Variants in CLTCL1 observed in about 807,000 individuals in gnomAD.
The protein encoded by CLTCL1 is clathrin heavy chain 2.
A neutral mutation model predicts 190.0 loss-of-function variants in CLTCL1; 159 were observed. The ratio of observed to expected loss-of-function variants is 0.84; its 90% CI spans 0.74 to 0.95. The LOEUF (loss-of-function observed/expected upper bound fraction) is 0.95. Ranked by LOEUF, CLTCL1 falls within the 40% of genes least tolerant of loss-of-function variation. The probability of loss-of-function intolerance (pLI) is 0.00; values close to 1 mark genes in which losing one functional copy is unlikely to be tolerated. For synonymous variants in CLTCL1, 752 were observed against 769.6 expected (o/e 0.98, Z 0.38); for missense variants, 1,878 against 2,033.4 (o/e 0.92, Z 1.47).
At chr22:19,180,708 T>G in intron 31 of CLTCL1, 23 bp downstream of exon 31, 1 of 1,612,458 alleles carries the variant, frequency 6.2e-7, no homozygotes, top group Non-Finnish European at 8.5e-7. Context: ...CCCAGGGGGT[T>G]GGGGGCTACA....
Position 19,215,548 on chromosome 22 carries a change from C to T in CLTCL1, c.3065+563G>A, listed in dbSNP as rs577671664. Among the ~76,000 whole-genome samples the T allele has an allele frequency of 5.3e-4, 80 of 152,188 alleles. 1 individual carries two copies. The highest frequency in any genetic ancestry group is 9.8e-4 in the Non-Finnish European group (67 of 68,038). On this transcript the variant is annotated intron_variant, in intron 19 of 32. Transcript: ENST00000427926. Reference sequence around the variant, plus strand: ...TGGTCCATGCCGAAACACACACTCCCACCTCTATACTGCCGGTCCGTGTGG... The same window carrying T: ...TGGTCCATGCCGAAACACACACTCCTACCTCTATACTGCCGGTCCGTGTGG...
At chr22:19,249,645 G>A (rs1319652040) in intron 3 of CLTCL1, among the ~76,000 whole-genome samples, 5 of 151,914 alleles carry the variant, frequency 3.3e-5, no homozygotes, top group African/African-American at 4.8e-5. Flanking sequence ...GCAGTGAGCC[G>A]AGATCGCACC....
chr22:19,238,909 C>T (rs1444373440), intron 5 of CLTCL1, among the ~76,000 whole-genome samples: 2 of 152,158 alleles, frequency 1.3e-5, no homozygotes, highest in African/African-American at 4.8e-5. Flanking sequence ...CAGGTATACA[C>T]GTGCCCTGGT....
Position 19,291,650 on chromosome 22 carries a change from C to T in CLTCL1, c.-9G>A, listed in dbSNP as rs1555994001. ...GGGAGGATCTGCGCCATGGCTGGTGCGGGACCTCGGCGGCGGCGGCGGCAG... is the reference window on the plus strand; with the variant it reads ...GGGAGGATCTGCGCCATGGCTGGTGTGGGACCTCGGCGGCGGCGGCGGCAG... On this transcript the variant is annotated 5_prime_UTR_variant, in exon 1 of 33. Coordinates refer to ENST00000427926, the MANE Select transcript of CLTCL1 (RefSeq NM_007098.4). 9 of 1,382,152 alleles carry T rather than the reference C, an allele frequency of 6.5e-6. No homozygotes were observed. Among genetic ancestry groups the T allele is most frequent in the South Asian group, 1.6e-5 (1 of 61,872 alleles). 85.6% of individuals were successfully genotyped at this position (1,382,152 alleles called of 1,614,324 possible). A position where few individuals can be genotyped will look rare whatever the true frequency, so the allele number is the denominator to read the frequency against.
chr22:19,225,574 G>A lies in CLTCL1; in HGVS notation c.2007C>T (p.Ala669=), dbSNP rs372163974. The change falls in exon 13 of 33, where the codon GCC becomes GCT. Residue 669 remains alanine (A), a synonymous_variant. Coordinates refer to ENST00000427926, the MANE Select transcript of CLTCL1 (RefSeq NM_007098.4). ...TCTGTCTGATGTTAGCAGACAGCAT[G>A]GCATGCAGACACTCCACAGAATCCT... ...SVEDSVECLH[A]MLSANIRQNL... is the part of the protein sequence containing the mutation. 45 of 1,583,240 alleles carry A rather than the reference G, an allele frequency of 2.8e-5. No homozygotes were observed. The African/African-American group carries it at 5.8e-4, about 20-fold the overall frequency.
In CLTCL1 at chr22:19,196,643, A is replaced by G. The variant is rs1555935996; in HGVS notation, c.3887T>C (p.Phe1296Ser). 1.2e-6 allele frequency: 2 copies of G among 1,613,014 alleles called. No homozygotes were observed. The highest frequency in any genetic ancestry group is 1.7e-5 in the Admixed American group (1 of 59,856). Reference sequence around the variant, plus strand: ...TTCCAACAGCAAGATCAGCTCCTCAAAGTAGCCACGATCCTAGCAGACCAA... The same window carrying G: ...TTCCAACAGCAAGATCAGCTCCTCAGAGTAGCCACGATCCTAGCAGACCAA... ...LMCYYQDRGY[F>S]EELILLLEAA... Residue 1296 changes from phenylalanine (F) to serine (S), a missense_variant, in exon 25 of 33, where the codon TTT (phenylalanine) becomes TCT (serine). Coordinates refer to ENST00000427926, the MANE Select transcript of CLTCL1 (RefSeq NM_007098.4).
chr22:19,221,868 G>C, intron 16 of CLTCL1, 83 bp downstream of exon 16: 2 of 1,480,944 alleles, frequency 1.4e-6, no homozygotes, highest in Non-Finnish European at 1.9e-6. Context: ...CAGCTATAGA[G>C]ACAGTCCTGG....
At chr22:19,213,080 C>A (rs1397733265) in intron 19 of CLTCL1, among the ~76,000 whole-genome samples, 1 of 152,102 alleles carries the variant, frequency 6.6e-6, no homozygotes, top group Non-Finnish European at 1.5e-5. Flanking sequence ...ACATATCCAA[C>A]AAAGGACTTG....
chr22:19,248,123 C>G (rs191970376), intron 3 of CLTCL1, among the ~76,000 whole-genome samples: 21 of 151,722 alleles, frequency 1.4e-4, no homozygotes, highest in Admixed American at 1.2e-3. Context: ...ATGGAGAAAC[C>G]CCATCACTAC....
chr22:19,222,561 C>G (rs2085607383), intron 15 of CLTCL1, 123 bp downstream of exon 15: 1 of 1,189,930 alleles, frequency 8.4e-7, no homozygotes, highest in African/African-American at 1.5e-5. Flanking sequence ...AGCACACGAA[C>G]CCACCACCCT....
chr22:19,180,883 G>T, intron 30 of CLTCL1, 77 bp from the exon 31 acceptor site: 1 of 1,302,616 alleles, frequency 7.7e-7, no homozygotes, highest in Non-Finnish European at 1.1e-6. Flanking sequence ...GGAGTGGAAG[G>T]TCAGGACACA....
intron 1 of CLTCL1, among the ~76,000 whole-genome samples, chr22:19,289,891 G>A (rs1229067249): frequency 6.6e-6 from 1 of 152,236 alleles, no homozygotes; most frequent in Non-Finnish European, 1.5e-5. Flanking sequence ...TGCAAGGCAG[G>A]AGTGGCAGGA....
chr22:19,287,903 A>G (rs782703149), intron 1 of CLTCL1, among the ~76,000 whole-genome samples: 1 of 152,208 alleles, frequency 6.6e-6, no homozygotes, highest in Non-Finnish European at 1.5e-5. Flanking sequence ...ACAGCTCACA[A>G]GGACACAGTG....
chr22:19,183,967 G>A (rs1425909190), intron 29 of CLTCL1: 3 of 365,906 alleles, frequency 8.2e-6, no homozygotes, highest in African/African-American at 2.1e-5. Context: ...TCAGGTCCAT[G>A]GAGCGTGTGA....
rs1555952263 is a variant in CLTCL1 at position 19,221,472 on chromosome 22, C to G, written c.2701G>C (p.Asp901His). ...CAGTAGCGGCCCACCACGCTGCTGT[C>G]ATAGTAGGCATTCTCTCTCAGGAAG... ...ECFLRENAYY[D>H]SSVVGRYCEK... The change falls in exon 17 of 33, where the codon GAC becomes CAC. Residue 901 changes from aspartate (D) to histidine (H), a missense_variant. By Grantham distance (81) the Asp-to-His change is moderately conservative. Coordinates refer to ENST00000427926, the MANE Select transcript of CLTCL1 (RefSeq NM_007098.4). 1 of 1,591,154 alleles carries G rather than the reference C, an allele frequency of 6.3e-7. No homozygotes were observed. The highest frequency in any genetic ancestry group is 8.6e-7 in the Non-Finnish European group (1 of 1,168,540).
chr22:19,289,552 C>T (rs1324176003), intron 1 of CLTCL1, among the ~76,000 whole-genome samples: 1 of 152,126 alleles, frequency 6.6e-6, no homozygotes, highest in Non-Finnish European at 1.5e-5. Context: ...TGACATCCAG[C>T]TATGAGACAA....
intron 2 of CLTCL1, chr22:19,258,037 G>A (rs1403762436): frequency 8.3e-6 from 4 of 482,670 alleles, no homozygotes; most frequent in African/African-American, 8.0e-5. Flanking sequence ...AGACAGAGCT[G>A]GCCATGCACC....
At position 19,229,944 on chromosome 22, in the gene CLTCL1, A is replaced by G. The variant is rs782039066; in HGVS notation, c.1676T>C (p.Ile559Thr). 1.9e-6 allele frequency: 3 copies of G among 1,610,572 alleles called. No individual in the cohort carries two copies. The highest frequency in any genetic ancestry group is 1.3e-5 in the African/African-American group (1 of 74,764). ...IVDIFMENSL[I>T]QQCTSFLLDA... ...CAATAAGAAGGAAGTACACTGCTGA[A>G]TTAAACTGTTTTCCATGAAAATGTC... Residue 559 changes from isoleucine to threonine, a missense_variant, in exon 11 of 33, where the codon ATT (isoleucine) becomes ACT (threonine). By Grantham distance (89) the Ile-to-Thr change is moderately conservative. Transcript: ENST00000427926.
rs1434665980 is a variant in CLTCL1 at position 19,179,613 on chromosome 22, C to A, written c.*377G>T. 6.4e-6 allele frequency: 1 copy of A among 155,970 alleles called. No individual in the cohort carries two copies. Among genetic ancestry groups the A allele is most frequent in the East Asian group, 1.9e-4 (1 of 5,260 alleles). 9.7% of individuals were successfully genotyped at this position (155,970 alleles called of 1,614,324 possible). A position where few individuals can be genotyped will look rare whatever the true frequency, so the allele number is the denominator to read the frequency against. On this transcript the variant is annotated 3_prime_UTR_variant, in exon 33 of 33. Transcript: ENST00000427926. ...GGGGGCAGCTCCAGCCAGTCGGAGGCGCCCAGGAGGAAGGCCTGGCTCCAG... is the reference window on the plus strand; with the variant it reads ...GGGGGCAGCTCCAGCCAGTCGGAGGAGCCCAGGAGGAAGGCCTGGCTCCAG...
Sources: allele counts gnomAD v4.1 joint callset (sites outside exome capture counted in the v4.1 genomes callset), GRCh38; gene constraint gnomAD v4.1.1; transcripts MANE v1.5; gene names NCBI Gene and HGNC (gene_info 2026-07-23, HGNC 2026-07-21).